The following DMXL1 variants were observed in gnomAD, a reference collection of about 807,000 sequenced individuals.
DMXL1 encodes the protein dmX-like protein 1.
DMXL1 carries 99 observed loss-of-function variants against 319.2 expected under a neutral mutation model. The ratio of observed to expected loss-of-function variants is 0.31; its 90% CI spans 0.26 to 0.37. The LOEUF (loss-of-function observed/expected upper bound fraction) is 0.37. DMXL1 is among the 10% of genes least tolerant of loss of function. The pLI, the probability that DMXL1 is intolerant of heterozygous loss-of-function variation, is 1.00. For synonymous variants in DMXL1, 1,385 were observed against 1,235.2 expected (o/e 1.12, Z -2.54); for missense variants, 3,745 against 3,595.6 (o/e 1.04, Z -1.06).
chr5:119,148,053 C>T (rs1768969237), intron 17 of DMXL1, among the ~76,000 whole-genome samples: 1 of 152,086 alleles, frequency 6.6e-6, no homozygotes, highest in Non-Finnish European at 1.5e-5. Flanking sequence ...TCTGGAGTAT[C>T]AAGAATACTA....
chr5:119,228,929 A>G (rs1378737029), intron 38 of DMXL1, among the ~76,000 whole-genome samples: 2 of 152,118 alleles, frequency 1.3e-5, no homozygotes, highest in Non-Finnish European at 2.9e-5. Flanking sequence ...ATATTGAAAT[A>G]TAGCTAATTT....
At chr5:119,161,015 G>A (rs892195118) in intron 19 of DMXL1, among the ~76,000 whole-genome samples, 2 of 152,020 alleles carry the variant, frequency 1.3e-5, no homozygotes, top group Non-Finnish European at 2.9e-5. Flanking sequence ...AGTTTGTTTC[G>A]AGATATAATG....
intron 13 of DMXL1, among the ~76,000 whole-genome samples, chr5:119,135,896 G>T (rs1765880076): frequency 6.6e-6 from 1 of 152,200 alleles, no homozygotes; most frequent in Non-Finnish European, 1.5e-5. Flanking sequence ...TTGGTACCAG[G>T]AGTGGGGCAC....
intron 18 of DMXL1, among the ~76,000 whole-genome samples, chr5:119,151,399 A>G (rs1769763591): frequency 6.6e-6 from 1 of 152,230 alleles, no homozygotes; most frequent in Non-Finnish European, 1.5e-5. Context: ...TTTAAATTTA[A>G]GAAAAATTAA....
At position 119,116,143 on chromosome 5, in the gene DMXL1, T is replaced by G; in HGVS notation, c.565-15T>G. Reference sequence around the variant, plus strand: ...TGATCTCCATGATTTTCTGTTTTGTTTTTTTTTTCCTTAGGATGACTGTCT... The same window carrying G: ...TGATCTCCATGATTTTCTGTTTTGTGTTTTTTTTCCTTAGGATGACTGTCT... On this transcript the variant is annotated splice_polypyrimidine_tract_variant and intron_variant, in intron 6 of 43. Coordinates refer to ENST00000539542, the MANE Select transcript of DMXL1 (RefSeq NM_001290321.3). 1.3e-6 allele frequency: 2 copies of G among 1,569,436 alleles called. No individual in the cohort carries two copies. The highest frequency in any genetic ancestry group is 1.7e-6 in the Non-Finnish European group (2 of 1,160,842).
At chr5:119,111,525 T>C (rs1759593233) in intron 5 of DMXL1, among the ~76,000 whole-genome samples, 1 of 152,234 alleles carries the variant, frequency 6.6e-6, no homozygotes, top group South Asian at 2.1e-4. Context: ...TCATTTATGT[T>C]ATATTGCTGT....
intron 1 of DMXL1, among the ~76,000 whole-genome samples, chr5:119,079,684 A>G (rs973119632): frequency 2.6e-5 from 4 of 151,498 alleles, no homozygotes; most frequent in Non-Finnish European, 4.4e-5. Flanking sequence ...GGCATTTGTC[A>G]TGTTGATCAT....
rs576005656 is a variant in DMXL1 at position 119,105,330 on chromosome 5, T to C, written c.364+72T>C. 2.7e-4 allele frequency: 318 copies of C among 1,198,318 alleles called. 1 individual carries two copies. Among genetic ancestry groups the C allele is most frequent in the Admixed American group, 1.3e-3 (76 of 56,548 alleles). 74.2% of individuals were successfully genotyped at this position (1,198,318 alleles called of 1,614,324 possible). A position where few individuals can be genotyped will look rare whatever the true frequency, so the allele number is the denominator to read the frequency against. On this transcript the variant is annotated intron_variant, in intron 4 of 43. Coordinates refer to ENST00000539542, the MANE Select transcript of DMXL1 (RefSeq NM_001290321.3). ...GTTGTTCTTATTTTTATTACTCTTA[T>C]GTATTTCACTTCTGCTGGGTGTGAG...
Position 119,150,284 on chromosome 5 carries a change from C to T in DMXL1, c.4457C>T (p.Ala1486Val). 6.2e-7 allele frequency: 1 copy of T among 1,613,756 alleles called. No homozygotes were observed. The highest frequency in any genetic ancestry group is 1.3e-5 in the African/African-American group (1 of 74,958). The change falls in exon 18 of 44, where the codon GCT becomes GTT. Residue 1486 changes from alanine (A) to valine (V), a missense_variant. Transcript: ENST00000539542. The part of the protein sequence containing the change: ...YSPTYFGPEH[A>V]QVLSGHLLHS... Reference sequence around the variant, plus strand: ...CCGACTTACTTTGGACCTGAGCATGCTCAGGTTCTTTCTGGCCACTTACTT... The same window carrying T: ...CCGACTTACTTTGGACCTGAGCATGTTCAGGTTCTTTCTGGCCACTTACTT...
Position 119,116,003 on chromosome 5 carries a change from G to C in DMXL1, c.565-155G>C, listed in dbSNP as rs535803662. The stretch of plus-strand genomic sequence containing the variant: ...ACAGTTAGGCAATGCTAATAGAAAA[G>C]TGCCAGAATCAGAATTTTCTTAATT... On this transcript the variant is annotated intron_variant, in intron 6 of 43. Transcript: ENST00000539542. Among the ~76,000 whole-genome samples, 66 of 152,294 alleles carry C rather than the reference G, an allele frequency of 4.3e-4. 1 individual carries two copies. The South Asian group carries it at 0.012, about 28-fold the overall frequency.
At chr5:119,218,178 AC>A (rs1784019684) in intron 35 of DMXL1, among the ~76,000 whole-genome samples, 1 of 152,048 alleles carries the variant, frequency 6.6e-6, no homozygotes, top group Admixed American at 6.6e-5. Flanking sequence ...GGAGTTTGAT[AC>A]CAGCCTGGGC....
At chr5:119,226,496 C>A (rs1179061644) in intron 38 of DMXL1, among the ~76,000 whole-genome samples, 16 of 152,164 alleles carry the variant, frequency 1.1e-4, no homozygotes, top group South Asian at 2.1e-4. Flanking sequence ...GTAGAAAACA[C>A]ACTGTTTCTC....
intron 6 of DMXL1, among the ~76,000 whole-genome samples, chr5:119,115,276 C>T (rs534801175): frequency 6.6e-6 from 1 of 152,146 alleles, no homozygotes; most frequent in African/African-American, 2.4e-5. Context: ...ATTTATATTA[C>T]CTTTTAGCTG....
chr5:119,081,241 T>C (rs1752127001), intron 1 of DMXL1, among the ~76,000 whole-genome samples: 2 of 152,188 alleles, frequency 1.3e-5, no homozygotes, highest in African/African-American at 4.8e-5. Context: ...CCTCCCCTTC[T>C]TCACTCCCAG....
At chr5:119,117,586 G>GGT (rs1410197398) in intron 7 of DMXL1, among the ~76,000 whole-genome samples, 2 of 152,024 alleles carry the variant, frequency 1.3e-5, no homozygotes, top group Non-Finnish European at 2.9e-5. Flanking sequence ...GGAAGGGAGA[G>GGT]GTAGGGGACA....
intron 9 of DMXL1, among the ~76,000 whole-genome samples, chr5:119,122,261 G>T (rs1434376896): frequency 6.8e-6 from 1 of 146,160 alleles, no homozygotes; most frequent in African/African-American, 2.5e-5. Context: ...GCTGGGCGGG[G>T]GGCCGACCAC....
intron 20 of DMXL1, 105 bp downstream of exon 20, chr5:119,164,781 A>C: frequency 9.7e-7 from 1 of 1,029,916 alleles, no homozygotes; most frequent in East Asian, 2.5e-5. Context: ...TTTTTGAAGC[A>C]GCAAAAGGCT....
At position 119,129,225 on chromosome 5, in the gene DMXL1, C is replaced by T. The variant is rs1271420530; in HGVS notation, c.1117C>T (p.Pro373Ser). The change falls in exon 10 of 44, where the codon CCA becomes TCA. Residue 373 changes from proline to serine, a missense_variant. Coordinates refer to ENST00000539542, the MANE Select transcript of DMXL1 (RefSeq NM_001290321.3). ...TTCTCTTATAGACATTCCACTTCTT[C>T]CATCTATTACATCTCTGAGTCTAAA... ...INPATDIPLL[P>S]SITSLSLNEN... is the part of the protein sequence containing the mutation. 2.4e-5 allele frequency: 39 copies of T among 1,606,400 alleles called. No homozygotes were observed. Among genetic ancestry groups the T allele is most frequent in the Non-Finnish European group, 3.3e-5 (39 of 1,176,224 alleles).
chr5:119,137,093 G>A (rs868547545), intron 13 of DMXL1, among the ~76,000 whole-genome samples: 1 of 152,346 alleles, frequency 6.6e-6, no homozygotes, highest in Middle Eastern at 3.4e-3. Context: ...ACCCTGCAGA[G>A]CCACAGGGGC....
Sources: gnomAD v4.1 joint callset for allele counts (sites outside exome capture counted in the v4.1 genomes callset) on GRCh38, gnomAD v4.1.1 for gene constraint, MANE v1.5 for transcripts, NCBI Gene and HGNC (gene_info 2026-07-23, HGNC 2026-07-21) for gene names.